Variants in GPCPD1 observed in about 807,000 individuals in gnomAD.
The protein encoded by GPCPD1 is glycerophosphocholine phosphodiesterase 1, also known as glycerophosphocholine phosphodiesterase GPCPD1.
Under a neutral mutation model 89.2 loss-of-function variants are expected in GPCPD1, and 29 were observed. The ratio of observed to expected loss-of-function variants is 0.33; its 90% CI spans 0.24 to 0.44. The LOEUF is 0.44. Among genes scored for constraint, GPCPD1 ranks in the 20% least tolerant of loss-of-function variants. GPCPD1 has a pLI of 1.00. For synonymous variants in GPCPD1, 258 were observed against 266.3 expected, an observed-to-expected ratio of 0.97 and a Z score of 0.30; for missense variants, 594 against 808.9, an observed-to-expected ratio of 0.73 and a Z score of 3.22.
chr20:5,592,282 A>G (rs1219707683), intron 4 of GPCPD1, among the ~76,000 whole-genome samples: 1 of 152,224 alleles, frequency 6.6e-6, no homozygotes, highest in East Asian at 1.9e-4. Context: ...CTTTACCATG[A>G]TGCATAACCC....
At position 5,545,384 on chromosome 20, in the gene GPCPD1, A is replaced by G. The variant is rs941048934; in HGVS notation, c.*2277T>C. On this transcript the variant is annotated 3_prime_UTR_variant, in exon 20 of 20. Coordinates refer to ENST00000379019, the MANE Select transcript of GPCPD1 (RefSeq NM_019593.5). ...CAAAGATCAACTCTGCCTACCTAGA[A>G]CAGAATTACTGTGATGCACAGCCTG... 2.0e-5 allele frequency: 3 copies of G among 152,174 alleles called. No homozygotes were observed. Among genetic ancestry groups the G allele is most frequent in the African/African-American group, 7.2e-5 (3 of 41,428 alleles). 9.4% of individuals were successfully genotyped at this position (152,174 alleles called of 1,614,324 possible). A position where few individuals can be genotyped will look rare whatever the true frequency, so the allele number is the denominator to read the frequency against.
intron 19 of GPCPD1, among the ~76,000 whole-genome samples, chr20:5,552,545 ACTTC>A (rs147087298): frequency 1.9e-3 from 293 of 152,378 alleles, no homozygotes; most frequent in African/African-American, 6.5e-3. Context: ...CTCATAATAT[ACTTC>A]CTTGTCAGAA....
intron 11 of GPCPD1, among the ~76,000 whole-genome samples, chr20:5,572,880 T>A (rs1391807058): frequency 3.3e-5 from 5 of 152,108 alleles, no homozygotes; most frequent in Admixed American, 3.3e-4. Flanking sequence ...TATTTATTTA[T>A]TTTTTAAAAG....
At chr20:5,552,925 T>G (rs1306426085) in intron 19 of GPCPD1, among the ~76,000 whole-genome samples, 1 of 152,264 alleles carries the variant, frequency 6.6e-6, no homozygotes, top group African/African-American at 2.4e-5. Flanking sequence ...TTACTCTTTG[T>G]GTAACACTTC....
rs190987636 is a variant in GPCPD1 at position 5,608,180 on chromosome 20, T to C, written c.-29+2662A>G. The stretch of plus-strand genomic sequence containing the variant: ...TTAAGTAAATATAATAAAAGGGAAA[T>C]GAACTGATTATAGAAATTGAGTCTT... On this transcript the variant is annotated intron_variant, in intron 1 of 19. Transcript: ENST00000379019. Among the ~76,000 whole-genome samples the C allele has an allele frequency of 1.6e-4, 24 of 152,240 alleles. No homozygotes were observed. In the East Asian group the frequency reaches 4.6e-3, roughly 29 times the overall value.
chr20:5,582,186 CAAAAAAAAAAAAAAAAAAA>C (rs1164754193), intron 6 of GPCPD1, among the ~76,000 whole-genome samples: 48 of 36,280 alleles, frequency 1.3e-3, no homozygotes, highest in African/African-American at 5.1e-3. Context: ...ACTCCCGTCT[CAAAAAAAAAAAAAAAAAAA>C]AAAAAAAAAA....
chr20:5,560,861 A>G (rs569736513), intron 16 of GPCPD1, among the ~76,000 whole-genome samples: 2 of 152,332 alleles, frequency 1.3e-5, no homozygotes, highest in Admixed American at 6.5e-5. Flanking sequence ...CAATCTGCAC[A>G]TATTCTCTCT....
At chr20:5,598,308 A>C (rs1026099529) in intron 3 of GPCPD1, among the ~76,000 whole-genome samples, 1 of 152,198 alleles carries the variant, frequency 6.6e-6, no homozygotes, top group Non-Finnish European at 1.5e-5. Flanking sequence ...CAGGAGGCTG[A>C]GGCGCAAGGA....
At chr20:5,574,255 A>G (rs553298164) in intron 10 of GPCPD1, 17 of 363,166 alleles carry the variant, frequency 4.7e-5, no homozygotes, top group Middle Eastern at 1.5e-3. Flanking sequence ...AAAGTGATCA[A>G]TAAAAACAAT....
chr20:5,608,239 G>T lies in GPCPD1; in HGVS notation c.-29+2603C>A, dbSNP rs375880171. ...AAAGATGTTTGGAAGAGTGACTACA[G>T]TAACTTAGCGGTAAACAGCTGCAGT... On this transcript the variant is annotated intron_variant, in intron 1 of 19. Coordinates refer to ENST00000379019, the MANE Select transcript of GPCPD1 (RefSeq NM_019593.5). Among the ~76,000 whole-genome samples the T allele has an allele frequency of 3.3e-5, 5 of 152,220 alleles. No homozygotes were observed. The East Asian group carries it at 7.7e-4, about 23-fold the overall frequency.
chr20:5,569,501 C>T (rs1183237500), intron 12 of GPCPD1, among the ~76,000 whole-genome samples: 1 of 151,256 alleles, frequency 6.6e-6, no homozygotes, highest in Non-Finnish European at 1.5e-5. Context: ...ATTCTGGATC[C>T]CCCCCCGCCA....
chr20:5,569,154 G>A lies in GPCPD1; in HGVS notation c.1149+993C>T, dbSNP rs562280951. ...TCCTTCTTTCTCCTAATACCATTTC[G>A]CAGAAACAAAAGGGTCCTTTCCTAT... On this transcript the variant is annotated intron_variant, in intron 12 of 19. Transcript: ENST00000379019. Among the ~76,000 whole-genome samples the A allele has an allele frequency of 5.0e-5, 7 of 140,922 alleles. No individual in the cohort carries two copies. In the South Asian group the frequency reaches 6.8e-4, roughly 14 times the overall value. The allele number at this position is 140,922 out of a possible 152,430, so 92.5% of individuals were successfully genotyped here.
intron 16 of GPCPD1, among the ~76,000 whole-genome samples, chr20:5,560,423 C>A (rs1232027438): frequency 1.3e-5 from 2 of 152,166 alleles, no homozygotes; most frequent in African/African-American, 4.8e-5. Context: ...TTATAAGACA[C>A]ACACATCATC....
intron 15 of GPCPD1, 24 bp downstream of exon 15, chr20:5,564,993 C>A (rs1986301951): frequency 8.6e-7 from 1 of 1,162,988 alleles, no homozygotes; most frequent in East Asian, 2.3e-5. Flanking sequence ...GATAGCCTTG[C>A]CTTGGTTTTC....
intron 2 of GPCPD1, among the ~76,000 whole-genome samples, chr20:5,603,731 T>A (rs1310399526): frequency 6.6e-6 from 1 of 151,550 alleles, no homozygotes. Context: ...CAGCCAATTG[T>A]TTCACCAACT....
At chr20:5,586,009 A>G in intron 5 of GPCPD1, 185 bp downstream of exon 5, 1 of 436,126 alleles carries the variant, frequency 2.3e-6, no homozygotes, top group Non-Finnish European at 4.1e-6. Flanking sequence ...AATAAAGTTT[A>G]TTTTAAGAGG....
At chr20:5,586,337 G>C (rs1271650244) in intron 4 of GPCPD1, 68 bp from the exon 5 acceptor site, 1 of 832,392 alleles carries the variant, frequency 1.2e-6, no homozygotes, top group Non-Finnish European at 2.1e-6. Flanking sequence ...GACTCCATTA[G>C]ATGTTTGTGG....
rs1163971947 is a variant in GPCPD1, at chr20:5,546,515, A to G, written c.*1146T>C. On this transcript the variant is annotated 3_prime_UTR_variant, in exon 20 of 20. Coordinates refer to ENST00000379019, the MANE Select transcript of GPCPD1 (RefSeq NM_019593.5). Reference sequence around the variant, plus strand: ...TTATTTAACATTCATTCTTTAAGTTACAGTTAACACAATCTGCTTCTAATC... The same window carrying G: ...TTATTTAACATTCATTCTTTAAGTTGCAGTTAACACAATCTGCTTCTAATC... 1 of 152,238 alleles carries G rather than the reference A, an allele frequency of 6.6e-6. No homozygotes were observed. The highest frequency in any genetic ancestry group is 1.5e-5 in the Non-Finnish European group (1 of 68,042). The allele number at this position is 152,238 out of a possible 1,614,324, so 9.4% of individuals were successfully genotyped here.
intron 4 of GPCPD1, among the ~76,000 whole-genome samples, chr20:5,591,747 A>T (rs1979341923): frequency 6.6e-6 from 1 of 152,212 alleles, no homozygotes; most frequent in South Asian, 2.1e-4. Context: ...TTAAAGTGTC[A>T]CATTAAGCTG....
Sources: allele counts gnomAD v4.1 joint callset (sites outside exome capture counted in the v4.1 genomes callset), GRCh38; gene constraint gnomAD v4.1.1; transcripts MANE v1.5; gene names NCBI Gene and HGNC (gene_info 2026-07-23, HGNC 2026-07-21).